The following GSK3B variants were observed in gnomAD, a reference collection of about 807,000 sequenced individuals.
The protein encoded by GSK3B is glycogen synthase kinase 3 beta.
Under a neutral mutation model 56.4 loss-of-function variants are expected in GSK3B, and 15 were observed. That is an observed-to-expected ratio of 0.27 (90% confidence interval 0.18 to 0.41). The LOEUF (loss-of-function observed/expected upper bound fraction) is 0.41. Ranked by LOEUF, GSK3B falls within the 10% of genes least tolerant of loss-of-function variation. The pLI is 1.00. For missense variants in GSK3B, 300 were observed against 513.4 expected (o/e 0.58, Z 4.02); for synonymous variants, 181 against 188.9 (o/e 0.96, Z 0.34).
intron 1 of GSK3B, among the ~76,000 whole-genome samples, chr3:120,052,105 GA>G (rs1427789476): frequency 2.0e-5 from 3 of 152,260 alleles, no homozygotes; most frequent in African/African-American, 7.2e-5. Flanking sequence ...GGGTGTTAGA[GA>G]AGTTCAATAA....
At chr3:119,932,379 C>T (rs994483685) in intron 3 of GSK3B, among the ~76,000 whole-genome samples, 1 of 151,982 alleles carries the variant, frequency 6.6e-6, no homozygotes, top group African/African-American at 2.4e-5. Flanking sequence ...TAAGAGAATA[C>T]CTTTTTGCTT....
intron 1 of GSK3B, among the ~76,000 whole-genome samples, chr3:120,069,712 A>C (rs190215417): frequency 2.0e-3 from 304 of 152,088 alleles, no homozygotes; most frequent in African/African-American, 6.4e-3. Flanking sequence ...TACAAACATC[A>C]CATCTATTGA....
intron 4 of GSK3B, among the ~76,000 whole-genome samples, chr3:119,917,466 T>C (rs1376471960): frequency 6.6e-6 from 1 of 152,182 alleles, no homozygotes; most frequent in Non-Finnish European, 1.5e-5. Context: ...TTCATAGTTC[T>C]ATTATTGTAC....
At chr3:119,894,473 T>A (rs2056540598) in intron 7 of GSK3B, among the ~76,000 whole-genome samples, 1 of 152,160 alleles carries the variant, frequency 6.6e-6, no homozygotes, top group Non-Finnish European at 1.5e-5. Context: ...ATAGTATTCA[T>A]TATGGTACTG....
At chr3:119,904,324 T>C (rs919181351) in intron 7 of GSK3B, among the ~76,000 whole-genome samples, 13 of 152,114 alleles carry the variant, frequency 8.5e-5, no homozygotes, top group African/African-American at 7.2e-5. Flanking sequence ...AAGCAAACTA[T>C]TCAAATTTAC....
At chr3:119,910,079 T>G (rs1171315736) in intron 6 of GSK3B, among the ~76,000 whole-genome samples, 1 of 152,214 alleles carries the variant, frequency 6.6e-6, no homozygotes, top group Non-Finnish European at 1.5e-5. Context: ...TAACATTAAT[T>G]AATAAATTAT....
At chr3:119,965,038 C>CTTTTTTTTTTTTTTTTTTT (rs573903125) in intron 2 of GSK3B, among the ~76,000 whole-genome samples, 3 of 125,628 alleles carry the variant, frequency 2.4e-5, no homozygotes, top group Non-Finnish European at 3.4e-5. Context: ...ATTATGTTTT[C>CTTTTTTTTTTTTTTTTTTT]TTTTTTTTTT....
Position 120,022,887 on chromosome 3 carries a change from A to G in GSK3B, c.89-20648T>C, listed in dbSNP as rs534591374. ...AGACTAATCCTCTTATTGGTGGGTC[A>G]TGGAAGAATGTCTTAGGACATCCGA... is the stretch of plus-strand genomic sequence containing the variant. On this transcript the variant is annotated intron_variant, in intron 1 of 10. Transcript: ENST00000264235. Among the ~76,000 whole-genome samples, 7 of 152,370 alleles carry G rather than the reference A, an allele frequency of 4.6e-5. No homozygotes were observed. In the South Asian group the frequency reaches 1.4e-3, roughly 32 times the overall value.
chr3:120,078,545 C>CTTTTTTTTTTTTTTTTT (rs66489313), intron 1 of GSK3B, among the ~76,000 whole-genome samples: 1 of 140,662 alleles, frequency 7.1e-6, no homozygotes. Flanking sequence ...AACTTCTCCT[C>CTTTTTTTTTTTTTTTTT]TTTTTTTTTT....
At chr3:120,009,705 G>A (rs2057762482) in intron 1 of GSK3B, among the ~76,000 whole-genome samples, 1 of 152,038 alleles carries the variant, frequency 6.6e-6, no homozygotes, top group African/African-American at 2.4e-5. Context: ...GGGGGGCTAG[G>A]GGAGACATAA....
intron 7 of GSK3B, among the ~76,000 whole-genome samples, chr3:119,894,253 G>A (rs202046309): frequency 2.1e-5 from 3 of 144,542 alleles, no homozygotes; most frequent in South Asian, 4.2e-4. Flanking sequence ...TTGTGTGGAT[G>A]TAAGTTTTCA....
At chr3:120,068,445 A>G (rs112353629) in intron 1 of GSK3B, among the ~76,000 whole-genome samples, 3,896 of 151,012 alleles carry the variant, frequency 0.026, 171 homozygotes, top group African/African-American at 0.089. Flanking sequence ...TCATGCCTGT[A>G]TTCCCAGCAC....
intron 1 of GSK3B, among the ~76,000 whole-genome samples, chr3:120,048,431 G>A (rs563479212): frequency 4.3e-4 from 66 of 152,320 alleles, no homozygotes; most frequent in African/African-American, 1.5e-3. Context: ...CATAAACTCT[G>A]GAGCCAGACA....
intron 9 of GSK3B, among the ~76,000 whole-genome samples, chr3:119,860,084 T>C (rs2056080846): frequency 2.0e-5 from 3 of 152,336 alleles, no homozygotes; most frequent in Middle Eastern, 3.4e-3. Context: ...TAAAATTTCA[T>C]ACAAATTAGG....
chr3:120,043,564 C>T (rs2058080208), intron 1 of GSK3B, among the ~76,000 whole-genome samples: 1 of 152,132 alleles, frequency 6.6e-6, no homozygotes, highest in African/African-American at 2.4e-5. Context: ...ACCAAGACAC[C>T]CCAAATTGAG....
chr3:120,082,559 C>G (rs1011662292), intron 1 of GSK3B, among the ~76,000 whole-genome samples: 3 of 151,984 alleles, frequency 2.0e-5, no homozygotes, highest in Admixed American at 2.0e-4. Flanking sequence ...CCACGCCCAG[C>G]TAATTTTCGT....
intron 7 of GSK3B, among the ~76,000 whole-genome samples, chr3:119,877,737 C>T (rs1049031924): frequency 2.0e-5 from 3 of 152,100 alleles, no homozygotes; most frequent in Admixed American, 6.5e-5. Flanking sequence ...AGTATAATTA[C>T]AGTACACAAC....
intron 6 of GSK3B, among the ~76,000 whole-genome samples, chr3:119,910,680 C>T (rs1415742493): frequency 6.6e-6 from 1 of 152,126 alleles, no homozygotes; most frequent in Non-Finnish European, 1.5e-5. Flanking sequence ...AGATTTTTCT[C>T]TAGTAGGAGA....
chr3:119,869,223 CAAAAAA>C (rs67194724), intron 8 of GSK3B, among the ~76,000 whole-genome samples: 8 of 54,844 alleles, frequency 1.5e-4, no homozygotes, highest in Middle Eastern at 0.022. Context: ...GATTCCATCT[CAAAAAA>C]AAAAAAAAAA....
Sources: allele counts gnomAD v4.1 joint callset (sites outside exome capture counted in the v4.1 genomes callset), GRCh38; gene constraint gnomAD v4.1.1; transcripts MANE v1.5; gene names NCBI Gene and HGNC (gene_info 2026-07-23, HGNC 2026-07-21).